The following MAMDC2 variants were observed in gnomAD, a reference collection of about 807,000 sequenced individuals.
The protein encoded by MAMDC2 is MAM domain-containing protein 2.
Under a neutral mutation model 89.8 loss-of-function variants are expected in MAMDC2, and 57 were observed. The ratio of observed to expected loss-of-function variants is 0.63; its 90% CI spans 0.51 to 0.79. The LOEUF is 0.79. Among genes scored for constraint, MAMDC2 ranks in the 30% least tolerant of loss-of-function variants. The probability of loss-of-function intolerance (pLI) is 0.00; values close to 1 mark genes in which losing one functional copy is unlikely to be tolerated. For missense variants in MAMDC2, 800 were observed against 820.6 expected (o/e 0.97, Z 0.31); for synonymous variants, 313 against 293.4 (o/e 1.07, Z -0.68).
chr9:70,156,299 G>T (rs1269911206), intron 9 of MAMDC2, among the ~76,000 whole-genome samples: 1 of 152,134 alleles, frequency 6.6e-6, no homozygotes, highest in Non-Finnish European at 1.5e-5. Flanking sequence ...AATACCTAGG[G>T]TTCTGAAATT....
chr9:70,211,883 T>C (rs531061718), intron 11 of MAMDC2, among the ~76,000 whole-genome samples: 30 of 152,370 alleles, frequency 2.0e-4, no homozygotes, highest in African/African-American at 7.0e-4. Context: ...TGGAGTTTGC[T>C]GGAGGTCCAC....
intron 2 of MAMDC2, chr9:70,085,786 G>A (rs1189256335): frequency 1.3e-5 from 2 of 151,978 alleles, no homozygotes. Context: ...GAGATCAGAA[G>A]TTAATCAACA....
chr9:70,106,092 C>G (rs748138424), intron 2 of MAMDC2: 4 of 152,204 alleles, frequency 2.6e-5, no homozygotes, highest in Non-Finnish European at 2.9e-5. Context: ...ATCACCCCAG[C>G]TCTACTGGAT....
At chr9:70,148,984 G>A (rs1466082763) in intron 9 of MAMDC2, among the ~76,000 whole-genome samples, 3 of 131,976 alleles carry the variant, frequency 2.3e-5, no homozygotes, top group Non-Finnish European at 5.0e-5. Flanking sequence ...AGCCGAGATT[G>A]CGCCACTGCA....
intron 9 of MAMDC2, among the ~76,000 whole-genome samples, chr9:70,146,750 C>G (rs886423501): frequency 6.8e-6 from 1 of 146,846 alleles, no homozygotes. Context: ...CTGGCCAACA[C>G]GGCAAAACCC....
rs559246000 is a variant in MAMDC2, at chr9:70,116,767, T to A, written c.643+3635T>A. Among the ~76,000 whole-genome samples the A allele has an allele frequency of 6.2e-4, 94 of 151,576 alleles. No homozygotes were observed. In the Middle Eastern group the frequency reaches 0.014, roughly 22 times the overall value. On this transcript the variant is annotated intron_variant, in intron 5 of 13. Transcript: ENST00000377182. ...AAAAGAGGCCCTGGATTTTCTAATG[T>A]CTTGACCAGAAGGGTCAAGACGTAA...
Position 70,131,626 on chromosome 9 carries a change from A to G in MAMDC2, c.994+14A>G, listed in dbSNP as rs1488189329. The G allele has an allele frequency of 1.9e-6, 3 of 1,577,192 alleles. No homozygotes were observed. The highest frequency in any genetic ancestry group is 2.7e-5 in the African/African-American group (2 of 73,678). Reference sequence around the variant, plus strand: ...AGAATCAGACAGGTGAGCATTCTCTATTTGTCATTGCATTTTGGGATGTTC... The same window carrying G: ...AGAATCAGACAGGTGAGCATTCTCTGTTTGTCATTGCATTTTGGGATGTTC... On this transcript the variant is annotated intron_variant, in intron 7 of 13. Transcript: ENST00000377182.
chr9:70,046,023 C>T (rs1826741535), intron 2 of MAMDC2, among the ~76,000 whole-genome samples: 1 of 152,210 alleles, frequency 6.6e-6, no homozygotes. Context: ...GCCACTCACC[C>T]TTTCCCTATA....
chr9:70,208,754 GA>G (rs1211683577), intron 11 of MAMDC2, among the ~76,000 whole-genome samples: 1 of 3,750 alleles, frequency 2.7e-4, no homozygotes, highest in Non-Finnish European at 8.8e-4. Context: ...CATTCAGTAT[GA>G]TATTGGCTGT....
At position 70,225,769 on chromosome 9, in the gene MAMDC2, G is replaced by A. The variant is rs774754440; in HGVS notation, c.1931G>A (p.Arg644Gln). The change falls in exon 13 of 14, where the codon CGA becomes CAA. Residue 644 changes from arginine to glutamine, a missense_variant. Transcript: ENST00000377182. Reference sequence around the variant, plus strand: ...TTTCAGATAATTTTTGAAGCCATTCGAGGAGTATCAATAAGAAGTGATATT... The same window carrying A: ...TTTCAGATAATTTTTGAAGCCATTCAAGGAGTATCAATAAGAAGTGATATT... ...RQHQIIFEAI[R>Q]GVSIRSDIAI... The A allele has an allele frequency of 6.9e-6, 11 of 1,604,336 alleles. No individual in the cohort carries two copies. The African/African-American group carries it at 9.4e-5, about 14-fold the overall frequency.
At chr9:70,053,539 C>T (rs1020447171) in intron 2 of MAMDC2, among the ~76,000 whole-genome samples, 9 of 152,156 alleles carry the variant, frequency 5.9e-5, no homozygotes, top group Non-Finnish European at 1.0e-4. Context: ...CAAAAACCCA[C>T]AATTGTGGTA....
intron 2 of MAMDC2, among the ~76,000 whole-genome samples, chr9:70,104,775 T>C (rs1828288685): frequency 6.6e-6 from 1 of 152,084 alleles, no homozygotes. Flanking sequence ...AGTTTCCAGA[T>C]GCTAGGGGTG....
chr9:70,051,476 A>G (rs988048775), intron 2 of MAMDC2, among the ~76,000 whole-genome samples: 1 of 152,218 alleles, frequency 6.6e-6, no homozygotes, highest in Non-Finnish European at 1.5e-5. Flanking sequence ...CTTTTAGCCT[A>G]TAGTTACCAT....
In MAMDC2 at chr9:70,143,686, T is replaced by C; in HGVS notation, c.1271T>C (p.Met424Thr). ...FHYAIYGFLK[M>T]SDTLAVYIFE... ...TATGCCATCTATGGATTTTTAAAAA[T>C]GAGTGACACCCTAGCAGTTTACATC... The change falls in exon 9 of 14, where the codon ATG (methionine) becomes ACG (threonine). Residue 424 changes from methionine (M) to threonine (T), a missense_variant. By Grantham distance (81) the Met-to-Thr change is moderately conservative. Transcript: ENST00000377182. 1 of 1,614,204 alleles carries C rather than the reference T, an allele frequency of 6.2e-7. No homozygotes were observed. The highest frequency in any genetic ancestry group is 1.3e-5 in the African/African-American group (1 of 75,060).
chr9:70,170,532 T>C lies in MAMDC2; in HGVS notation c.1552T>C (p.Phe518Leu). 1 of 1,613,170 alleles carries C rather than the reference T, an allele frequency of 6.2e-7. No individual in the cohort carries two copies. The highest frequency in any genetic ancestry group is 1.7e-5 in the Admixed American group (1 of 59,960). The change falls in exon 11 of 14, where the codon TTT (phenylalanine) becomes CTT (leucine). Residue 518 changes from phenylalanine to leucine, a missense_variant. Coordinates refer to ENST00000377182, the MANE Select transcript of MAMDC2 (RefSeq NM_153267.5). ...TACTTTCGAGCAAGATGAATGTACA[T>C]TTACTCAGGAGAAAAGAAACCGGAG... is the stretch of plus-strand genomic sequence containing the variant. ...ECTFEQDECT[F>L]TQEKRNRSSW...
At chr9:70,198,912 C>G (rs936817849) in intron 11 of MAMDC2, among the ~76,000 whole-genome samples, 1 of 152,026 alleles carries the variant, frequency 6.6e-6, no homozygotes, top group African/African-American at 2.4e-5. Context: ...TATTTCAAGT[C>G]CCTGTCTTTT....
chr9:70,050,585 G>A (rs568714488), intron 2 of MAMDC2, among the ~76,000 whole-genome samples: 26 of 152,292 alleles, frequency 1.7e-4, no homozygotes, highest in African/African-American at 5.8e-4. Flanking sequence ...ACATTAATAC[G>A]TTTAACACAG....
At chr9:70,145,867 A>C (rs2118427440) in intron 9 of MAMDC2, among the ~76,000 whole-genome samples, 1 of 152,326 alleles carries the variant, frequency 6.6e-6, no homozygotes, top group South Asian at 2.1e-4. Context: ...CACAGATGAT[A>C]GAAGATTAAG....
intron 11 of MAMDC2, chr9:70,171,047 A>G (rs2118534131): frequency 5.8e-6 from 1 of 171,026 alleles, no homozygotes; most frequent in East Asian, 1.7e-4. Flanking sequence ...CCTGTAAAAC[A>G]TGATTCACAG....
Sources: gnomAD v4.1 joint callset for allele counts (sites outside exome capture counted in the v4.1 genomes callset) on GRCh38, gnomAD v4.1.1 for gene constraint, MANE v1.5 for transcripts, NCBI Gene and HGNC (gene_info 2026-07-23, HGNC 2026-07-21) for gene names.